The following GOLIM4 variants were observed in gnomAD, a reference collection of about 807,000 sequenced individuals.
GOLIM4 encodes the protein 130 kDa golgi-localized phosphoprotein.
A neutral mutation model predicts 107.4 loss-of-function variants in GOLIM4; 71 were observed. That is an observed-to-expected ratio of 0.66 (90% CI 0.55 to 0.81). The LOEUF is 0.81. Among genes scored for constraint, GOLIM4 ranks in the 30% least tolerant of loss-of-function variants. The pLI is 0.00. For missense variants in GOLIM4, 830 were observed against 826.1 expected, an observed-to-expected ratio of 1.00 and a Z score of -0.06; for synonymous variants, 327 against 294.8, an observed-to-expected ratio of 1.11 and a Z score of -1.12.
intron 8 of GOLIM4, 85 bp downstream of exon 8, chr3:168,036,751 G>A (rs1374192612): frequency 1.9e-6 from 2 of 1,050,992 alleles, no homozygotes; most frequent in Non-Finnish European, 2.7e-6. Context: ...TCCCAGAAAA[G>A]TTGGCAATAT....
chr3:168,012,897 C>T (rs1405453360), intron 14 of GOLIM4, among the ~76,000 whole-genome samples: 2 of 151,708 alleles, frequency 1.3e-5, no homozygotes, highest in African/African-American at 4.9e-5. Context: ...AAGCGCTAAA[C>T]ATGGAAAGGA....
chr3:168,065,478 G>A (rs1720501705), intron 1 of GOLIM4, among the ~76,000 whole-genome samples: 1 of 152,178 alleles, frequency 6.6e-6, no homozygotes. Flanking sequence ...GTGTCCTACA[G>A]TGAGGCTCTC....
intron 1 of GOLIM4, among the ~76,000 whole-genome samples, chr3:168,074,721 A>C (rs1720989224): frequency 1.3e-5 from 2 of 152,246 alleles, no homozygotes; most frequent in Non-Finnish European, 2.9e-5. Context: ...TGAAGCCAAG[A>C]GATATAGCTG....
intron 1 of GOLIM4, among the ~76,000 whole-genome samples, chr3:168,055,679 GTAGTC>G: frequency 6.6e-6 from 1 of 152,128 alleles, no homozygotes; most frequent in East Asian, 1.9e-4. Context: ...GCAGGTACCT[GTAGTC>G]CCAGCTACTC....
rs1441228066 is a variant in GOLIM4 at position 168,009,815 on chromosome 3, A to G, written c.*454T>C. ...TTCTATCAGAGCTATACATAAAGAC[A>G]TCAGAAGGGCAGCAATTAGTAAACA... On this transcript the variant is annotated 3_prime_UTR_variant, in exon 16 of 16. Transcript: ENST00000470487. The G allele has an allele frequency of 1.3e-5, 2 of 153,748 alleles. No homozygotes were observed. The highest frequency in any genetic ancestry group is 2.9e-5 in the Non-Finnish European group (2 of 69,252). The allele number at this position is 153,748 out of a possible 1,614,324, so 9.5% of individuals were successfully genotyped here.
chr3:168,064,154 C>T (rs537975215), intron 1 of GOLIM4, among the ~76,000 whole-genome samples: 11 of 152,288 alleles, frequency 7.2e-5, no homozygotes, highest in African/African-American at 2.6e-4. Context: ...TTTAAATATC[C>T]TATGGGATAT....
At position 168,044,831 on chromosome 3, in the gene GOLIM4, C is replaced by A; in HGVS notation, c.363G>T (p.Leu121Phe). Residue 121 changes from leucine (L) to phenylalanine (F), a missense_variant, in exon 4 of 16, where the codon TTG becomes TTT. Physicochemically the swap from Leu to Phe is conservative, Grantham distance 22. Transcript: ENST00000470487. ...YSALNVQHQM[L>F]KSQHEELKKQ... The stretch of plus-strand genomic sequence containing the variant: ...ATAACAACTTTAGATTACTCACTTT[C>A]AACATCTGATGTTGGACATTCAGTG... The A allele has an allele frequency of 6.5e-7, 1 of 1,529,804 alleles. No homozygotes were observed. The allele number at this position is 1,529,804 out of a possible 1,614,324, so 94.8% of individuals were successfully genotyped here.
chr3:168,010,236 G>A lies in GOLIM4; in HGVS notation c.*33C>T, dbSNP rs762341329. The A allele has an allele frequency of 5.7e-6, 9 of 1,589,556 alleles. No homozygotes were observed. The highest frequency in any genetic ancestry group is 1.7e-4 in the Middle Eastern group (1 of 5,954). On this transcript the variant is annotated 3_prime_UTR_variant, in exon 16 of 16. Transcript: ENST00000470487. ...TGTTTGAGCAGCTTGAAAAGAATCC[G>A]TTGGCTGAGCGTTGTCTAGAAATTG...
chr3:168,025,449 T>G (rs889456721), intron 12 of GOLIM4, among the ~76,000 whole-genome samples: 1 of 144,678 alleles, frequency 6.9e-6, no homozygotes, highest in Non-Finnish European at 1.5e-5. Context: ...AAATACTAAT[T>G]TAGGTGGGGG....
At chr3:168,062,970 T>C (rs1347902727) in intron 1 of GOLIM4, among the ~76,000 whole-genome samples, 1 of 152,086 alleles carries the variant, frequency 6.6e-6, no homozygotes, top group Non-Finnish European at 1.5e-5. Context: ...GATAGAGTTA[T>C]CAAGATCAAA....
chr3:168,028,605 A>T (rs912275274), intron 11 of GOLIM4, among the ~76,000 whole-genome samples: 1 of 152,220 alleles, frequency 6.6e-6, no homozygotes, highest in African/African-American at 2.4e-5. Context: ...TACTGATATG[A>T]GAACAAAAAA....
intron 1 of GOLIM4, among the ~76,000 whole-genome samples, chr3:168,088,542 C>T (rs1480079421): frequency 6.6e-6 from 1 of 152,198 alleles, no homozygotes; most frequent in Non-Finnish European, 1.5e-5. Context: ...CTCAAGGTCA[C>T]CCTGCTGGTA....
Position 168,041,471 on chromosome 3 carries a change from G to C in GOLIM4, c.521C>G (p.Thr174Ser). 3.4e-6 allele frequency: 5 copies of C among 1,477,760 alleles called. No individual in the cohort carries two copies. The highest frequency in any genetic ancestry group is 4.7e-6 in the Non-Finnish European group (5 of 1,059,638). 91.5% of individuals were successfully genotyped at this position (1,477,760 alleles called of 1,614,324 possible). The part of the protein sequence containing the change: ...KEQELSKLKE[T>S]VYNLREENRQ... ...ATTCTCTTCTCTCAAATTGTATACAGTCTCTATTTTAGAAAAAGAAGGATC... is the reference window on the plus strand; with the variant it reads ...ATTCTCTTCTCTCAAATTGTATACACTCTCTATTTTAGAAAAAGAAGGATC... The change falls in exon 6 of 16, where the codon ACT (threonine) becomes AGT (serine). Residue 174 changes from threonine to serine, a missense_variant. Transcript: ENST00000470487.
chr3:168,015,449 A>G (rs1239808454), intron 14 of GOLIM4, among the ~76,000 whole-genome samples: 1 of 136,928 alleles, frequency 7.3e-6, no homozygotes, highest in Admixed American at 7.0e-5. Flanking sequence ...CAATATCATG[A>G]AAATGGCCAT....
intron 1 of GOLIM4, among the ~76,000 whole-genome samples, chr3:168,089,681 A>G (rs1427836515): frequency 6.6e-6 from 1 of 152,154 alleles, no homozygotes; most frequent in Non-Finnish European, 1.5e-5. Flanking sequence ...ATAGGCCAAG[A>G]AAAAGTACTA....
intron 14 of GOLIM4, among the ~76,000 whole-genome samples, chr3:168,015,042 C>A (rs2108208916): frequency 6.6e-6 from 1 of 150,788 alleles, no homozygotes; most frequent in African/African-American, 2.4e-5. Context: ...CTGGCCAGGG[C>A]AATTAGGCAG....
intron 14 of GOLIM4, among the ~76,000 whole-genome samples, chr3:168,016,272 A>C (rs1166183198): frequency 1.0e-4 from 14 of 134,916 alleles, no homozygotes; most frequent in South Asian, 6.3e-4. Flanking sequence ...ATTTATGCAG[A>C]CAAAAAACAC....
chr3:168,052,359 T>G (rs939360428), intron 1 of GOLIM4, among the ~76,000 whole-genome samples: 13 of 151,652 alleles, frequency 8.6e-5, no homozygotes, highest in Admixed American at 2.0e-4. Flanking sequence ...TATGTGCATA[T>G]ATATATATAT....
At chr3:168,033,813 T>C (rs1187330789) in intron 8 of GOLIM4, among the ~76,000 whole-genome samples, 3 of 151,962 alleles carry the variant, frequency 2.0e-5, no homozygotes, top group African/African-American at 7.3e-5. Flanking sequence ...AAAGAAGAAA[T>C]GGCTTTTTCA....
Sources: gnomAD v4.1 joint callset for allele counts (sites outside exome capture counted in the v4.1 genomes callset) on GRCh38, gnomAD v4.1.1 for gene constraint, MANE v1.5 for transcripts, NCBI Gene and HGNC (gene_info 2026-07-23, HGNC 2026-07-21) for gene names.